The following ZNF80 variants were observed in gnomAD, a reference collection of about 807,000 sequenced individuals.
ZNF80 encodes zinc finger protein 80, also known as ZNFPT17.
For synonymous variants in ZNF80, 132 were observed against 119.4 expected (o/e 1.11, Z -0.69); for missense variants, 394 against 334.1 (o/e 1.18, Z -1.40).
In ZNF80 at chr3:114,236,729, G is replaced by A. The variant is rs757877383; in HGVS notation, c.346C>T (p.Arg116Cys). The A allele has an allele frequency of 3.2e-5, 52 of 1,612,676 alleles. No homozygotes were observed. The highest frequency in any genetic ancestry group is 1.6e-4 in the Middle Eastern group (1 of 6,080). Residue 116 changes from arginine to cysteine, a missense_variant, in exon 1 of 1, where the codon CGC (arginine) becomes TGC (cysteine). Coordinates refer to ENST00000482457, the MANE Select transcript of ZNF80 (RefSeq NM_007136.4). ...KCVECGKVFN[R>C]RSHLLCYRQI... Reference sequence around the variant, plus strand: ...CGGTAGCACAGGAGGTGCGACCTGCGGTTGAAGACCTTCCCGCACTCCACG... The same window carrying A: ...CGGTAGCACAGGAGGTGCGACCTGCAGTTGAAGACCTTCCCGCACTCCACG...
Position 114,237,110 on chromosome 3 carries a change from C to G in ZNF80, c.-36G>C. The G allele has an allele frequency of 6.5e-7, 1 of 1,543,076 alleles. No individual in the cohort carries two copies. The highest frequency in any genetic ancestry group is 1.4e-5 in the African/African-American group (1 of 72,642). On this transcript the variant is annotated 5_prime_UTR_variant, in exon 1 of 1. Coordinates refer to ENST00000482457, the MANE Select transcript of ZNF80 (RefSeq NM_007136.4). The stretch of plus-strand genomic sequence containing the variant: ...AAGGTCTCCGTGTGGGAGACTGCAG[C>G]CAAACTCAAGTGCCCTTCTGCATTT...
At position 114,236,348 on chromosome 3, in the gene ZNF80, T is replaced by C; in HGVS notation, c.727A>G (p.Lys243Glu). 1 of 1,612,898 alleles carries C rather than the reference T, an allele frequency of 6.2e-7. No homozygotes were observed. The highest frequency in any genetic ancestry group is 8.5e-7 in the Non-Finnish European group (1 of 1,179,038). The change falls in exon 1 of 1, where the codon AAA (lysine) becomes GAA (glutamate). Residue 243 changes from lysine (K) to glutamate (E), a missense_variant. Physicochemically the swap from Lys to Glu is moderately conservative, Grantham distance 56. Coordinates refer to ENST00000482457, the MANE Select transcript of ZNF80 (RefSeq NM_007136.4). ...CTATGTTCAAGGCACTCATAAGGTTTCTCTCCAGTGTGACTCCTTGTATGT... is the reference window on the plus strand; with the variant it reads ...CTATGTTCAAGGCACTCATAAGGTTCCTCTCCAGTGTGACTCCTTGTATGT... ...TRHTRSHTGE[K>E]PYECLEHRKD...
At position 114,236,254 on chromosome 3, in the gene ZNF80, C is replaced by A; in HGVS notation, c.821G>T (p.Ter274LeuextTer19). ...CACAAATTCCCACATCATTTGCACT[C>A]AAAGGTTTTTTCCTCCAGAGTGGAT... is the stretch of plus-strand genomic sequence containing the variant. ...SKIHSGGKNL[*>L] is the part of the protein sequence containing the mutation. The change falls in exon 1 of 1, where the codon TGA (stop) becomes TTA (leucine). Residue 274 changes from the stop codon to leucine (L), a stop_lost. Transcript: ENST00000482457. The A allele has an allele frequency of 6.4e-7, 1 of 1,561,792 alleles. No individual in the cohort carries two copies. Among genetic ancestry groups the A allele is most frequent in the Non-Finnish European group, 8.6e-7 (1 of 1,157,538 alleles).
exon 1 of ZNF80, chr3:114,236,649 GAA>G: frequency 6.2e-7 from 1 of 1,614,146 alleles, no homozygotes; most frequent in Non-Finnish European, 8.5e-7. Context: ...AGTGATAGCT[GAA>G]GGTCTTTCCA....
chr3:114,236,614 G>A lies in ZNF80; in HGVS notation c.461C>T (p.Thr154Ile). The change falls in exon 1 of 1, where the codon ACC becomes ATC. Residue 154 changes from threonine (T) to isoleucine (I), a missense_variant. By Grantham distance (89) the Thr-to-Ile change is moderately conservative (BLOSUM62 -1). Transcript: ENST00000482457. Reference sequence around the variant, plus strand: ...CCCAAAGAGTTTTTCTCCAGTGTGGGTCACACGATGCTGGATGAAGACAGA... The same window carrying A: ...CCCAAAGAGTTTTTCTCCAGTGTGGATCACACGATGCTGGATGAAGACAGA... ...YHSVFIQHRV[T>I]HTGEKLFGCK... 6.2e-7 allele frequency: 1 copy of A among 1,614,058 alleles called. No homozygotes were observed. Among genetic ancestry groups the A allele is most frequent in the Non-Finnish European group, 8.5e-7 (1 of 1,180,026 alleles).
In ZNF80 at chr3:114,237,169, T is replaced by C. The variant is rs982724447; in HGVS notation, c.-95A>G. On this transcript the variant is annotated 5_prime_UTR_variant, in exon 1 of 1. Transcript: ENST00000482457. Reference sequence around the variant, plus strand: ...GTCCGGAATTGGTGGGTTCTTGGTCTCACTGACTTCAAGAATGAAGCCGCG... The same window carrying C: ...GTCCGGAATTGGTGGGTTCTTGGTCCCACTGACTTCAAGAATGAAGCCGCG... The C allele has an allele frequency of 1.8e-6, 2 of 1,136,786 alleles. No individual in the cohort carries two copies. Among genetic ancestry groups the C allele is most frequent in the Non-Finnish European group, 2.6e-6 (2 of 781,846 alleles). 70.4% of individuals were successfully genotyped at this position (1,136,786 alleles called of 1,614,324 possible).
Position 114,235,843 on chromosome 3 carries a change from TAA to T in ZNF80, c.*408_*409del, listed in dbSNP as rs200692814. 5.3e-5 allele frequency: 8 copies of T among 149,856 alleles called. No homozygotes were observed. The highest frequency in any genetic ancestry group is 8.8e-5 in the Non-Finnish European group (6 of 68,438). The allele number at this position is 149,856 out of a possible 1,614,324, so 9.3% of individuals were successfully genotyped here. The stretch of plus-strand genomic sequence containing the variant: ...TCTCTTTTACAGTTCCCTTCTTACT[TAA>T]AAAAAAAAAATCCTGAAGTGGCTTA... On this transcript the variant is annotated 3_prime_UTR_variant, in exon 1 of 1. Transcript: ENST00000482457.
In ZNF80 at chr3:114,234,763, G is replaced by C. The variant is rs1367887810; in HGVS notation, c.*1490C>G. The C allele has an allele frequency of 6.6e-6, 1 of 151,948 alleles. No individual in the cohort carries two copies. 9.4% of individuals were successfully genotyped at this position (151,948 alleles called of 1,614,324 possible). The stretch of plus-strand genomic sequence containing the variant: ...AAACTGAACATTGCATATAACCCTG[G>C]TCCATCCCATTTCCTGCAGAAAACC... On this transcript the variant is annotated 3_prime_UTR_variant, in exon 1 of 1. Coordinates refer to ENST00000482457, the MANE Select transcript of ZNF80 (RefSeq NM_007136.4).
At position 114,236,334 on chromosome 3, in the gene ZNF80, G is replaced by A. The variant is rs1452563340; in HGVS notation, c.741C>T (p.Cys247=). The change falls in exon 1 of 1, where the codon TGC becomes TGT. Residue 247 remains cysteine (C), a synonymous_variant. Coordinates refer to ENST00000482457, the MANE Select transcript of ZNF80 (RefSeq NM_007136.4). ...AGCCAAAGTCCTTTCTATGTTCAAG[G>A]CACTCATAAGGTTTCTCTCCAGTGT... ...RSHTGEKPYE[C]LEHRKDFGYH... is the part of the protein sequence containing the mutation. 1.2e-6 allele frequency: 2 copies of A among 1,614,024 alleles called. No individual in the cohort carries two copies. Among genetic ancestry groups the A allele is most frequent in the African/African-American group, 1.3e-5 (1 of 75,054 alleles).
In ZNF80 at chr3:114,236,964, T is replaced by C. The variant is rs1421117346; in HGVS notation, c.111A>G (p.Pro37=). The change falls in exon 1 of 1, where the codon CCA becomes CCG. Residue 37 remains proline (P), a synonymous_variant. Transcript: ENST00000482457. ...DNLHECDSQG[P]SKDTLVREGK... is the part of the protein sequence containing the mutation. ...CCTCACGAACCAAAGTGTCTTTACTTGGTCCCTGGGAGTCACATTCATGGA... is the reference window on the plus strand; with the variant it reads ...CCTCACGAACCAAAGTGTCTTTACTCGGTCCCTGGGAGTCACATTCATGGA... The C allele has an allele frequency of 1.9e-6, 3 of 1,614,100 alleles. No individual in the cohort carries two copies. Among genetic ancestry groups the C allele is most frequent in the African/African-American group, 2.7e-5 (2 of 74,926 alleles).
rs746782775 is a variant in ZNF80, at chr3:114,235,523, G to A, written c.*730C>T. Reference sequence around the variant, plus strand: ...ATATGGCAGTATTTTTATATTCTACGTTCTTACAAGTTTCACATATTCCAT... The same window carrying A: ...ATATGGCAGTATTTTTATATTCTACATTCTTACAAGTTTCACATATTCCAT... On this transcript the variant is annotated 3_prime_UTR_variant, in exon 1 of 1. Coordinates refer to ENST00000482457, the MANE Select transcript of ZNF80 (RefSeq NM_007136.4). 6 of 152,072 alleles carry A rather than the reference G, an allele frequency of 3.9e-5. No homozygotes were observed. The highest frequency in any genetic ancestry group is 7.4e-5 in the Non-Finnish European group (5 of 68,014). 9.4% of individuals were successfully genotyped at this position (152,072 alleles called of 1,614,324 possible).
rs749576425 is a variant in ZNF80, at chr3:114,237,080, T to C, written c.-6A>G. On this transcript the variant is annotated 5_prime_UTR_variant, in exon 1 of 1. Transcript: ENST00000482457. ...CCATCGCGTTTAGGGCTCATCTTCCTCCAGAAGGTCTCCGTGTGGGAGACT... is the reference window on the plus strand; with the variant it reads ...CCATCGCGTTTAGGGCTCATCTTCCCCCAGAAGGTCTCCGTGTGGGAGACT... 1.3e-6 allele frequency: 2 copies of C among 1,576,182 alleles called. No individual in the cohort carries two copies. Among genetic ancestry groups the C allele is most frequent in the Admixed American group, 1.8e-5 (1 of 55,250 alleles).
Position 114,236,981 on chromosome 3 carries a change from A to G in ZNF80, c.94T>C (p.Cys32Arg). Residue 32 changes from cysteine (C) to arginine (R), a missense_variant, in exon 1 of 1, where the codon TGT (cysteine) becomes CGT (arginine). By Grantham distance (180) the Cys-to-Arg change is radical. Coordinates refer to ENST00000482457, the MANE Select transcript of ZNF80 (RefSeq NM_007136.4). Reference protein sequence around the residue: ...QVSTGDNLHECDSQGPSKDTL... With the variant: ...QVSTGDNLHERDSQGPSKDTL... ...TCTTTACTTGGTCCCTGGGAGTCAC[A>G]TTCATGGAGATTGTCTCCTGTGGAG... 2 of 1,614,184 alleles carry G rather than the reference A, an allele frequency of 1.2e-6. No homozygotes were observed. Among genetic ancestry groups the G allele is most frequent in the Non-Finnish European group, 8.5e-7 (1 of 1,180,028 alleles).
chr3:114,236,109 A>G lies in ZNF80; in HGVS notation c.*144T>C. ...CTCATAGAGTTTATCTCTGGAAGGAATTCTTCAATGCCAAGTGAGGATGAG... is the reference window on the plus strand; with the variant it reads ...CTCATAGAGTTTATCTCTGGAAGGAGTTCTTCAATGCCAAGTGAGGATGAG... On this transcript the variant is annotated 3_prime_UTR_variant, in exon 1 of 1. Transcript: ENST00000482457. 2 of 623,652 alleles carry G rather than the reference A, an allele frequency of 3.2e-6. No individual in the cohort carries two copies. The highest frequency in any genetic ancestry group is 2.7e-5 in the East Asian group (1 of 37,206). The allele number at this position is 623,652 out of a possible 1,614,324, so 38.6% of individuals were successfully genotyped here. A position where few individuals can be genotyped will look rare whatever the true frequency, so the allele number is the denominator to read the frequency against.
Position 114,236,620 on chromosome 3 carries a change from C to T in ZNF80, c.455G>A (p.Arg152His), listed in dbSNP as rs766015106. Residue 152 changes from arginine (R) to histidine (H), a missense_variant, in exon 1 of 1, where the codon CGT becomes CAT. By Grantham distance (29) the Arg-to-His change is conservative. Transcript: ENST00000482457. ...GAGTTTTTCTCCAGTGTGGGTCACA[C>T]GATGCTGGATGAAGACAGAGTGATA... ...FSYHSVFIQH[R>H]VTHTGEKLFG... The T allele has an allele frequency of 2.0e-5, 32 of 1,614,012 alleles. No individual in the cohort carries two copies. The highest frequency in any genetic ancestry group is 4.5e-5 in the East Asian group (2 of 44,888).
rs759469472 is a variant in ZNF80, at chr3:114,236,450, T to C, written c.625A>G (p.Met209Val). 1 of 1,612,660 alleles carries C rather than the reference T, an allele frequency of 6.2e-7. No homozygotes were observed. The highest frequency in any genetic ancestry group is 8.5e-7 in the Non-Finnish European group (1 of 1,178,848). Residue 209 changes from methionine (M) to valine (V), a missense_variant, in exon 1 of 1, where the codon ATG becomes GTG. By Grantham distance (21) the Met-to-Val change is conservative. Coordinates refer to ENST00000482457, the MANE Select transcript of ZNF80 (RefSeq NM_007136.4). ...TAGGGCTTTCCTGCAGTGTGGGTCA[T>C]ACTATGTCGGAAGAAAACAGAGCGG... ...TYRSVFFRHS[M>V]THTAGKPYEC...
In ZNF80 at chr3:114,237,047, T is replaced by C. The variant is rs1436828462; in HGVS notation, c.28A>G (p.Thr10Ala). 6.2e-7 allele frequency: 1 copy of C among 1,604,022 alleles called. No individual in the cohort carries two copies. Among genetic ancestry groups the C allele is most frequent in the Admixed American group, 1.7e-5 (1 of 59,126 alleles). The change falls in exon 1 of 1, where the codon ACA becomes GCA. Residue 10 changes from threonine to alanine, a missense_variant. By Grantham distance (58) the Thr-to-Ala change is moderately conservative (BLOSUM62 0). Transcript: ENST00000482457. ...ACCTGTGAGTGCAGACCATCACCTG[T>C]CCCCAACCCATCGCGTTTAGGGCTC... MSPKRDGLG[T>A]GDGLHSQVLQ...
Position 114,236,046 on chromosome 3 carries a change from C to G in ZNF80, c.*207G>C, listed in dbSNP as rs1034709543. ...CGCAGTTTAAGTTCTCTGACGTTGA[C>G]TGATGTGGGCCCACTTGCAAAAGGC... On this transcript the variant is annotated 3_prime_UTR_variant, in exon 1 of 1. Coordinates refer to ENST00000482457, the MANE Select transcript of ZNF80 (RefSeq NM_007136.4). 1 of 436,834 alleles carries G rather than the reference C, an allele frequency of 2.3e-6. No homozygotes were observed. Among genetic ancestry groups the G allele is most frequent in the African/African-American group, 2.0e-5 (1 of 49,984 alleles). The allele number at this position is 436,834 out of a possible 1,614,324, so 27.1% of individuals were successfully genotyped here. A position where few individuals can be genotyped will look rare whatever the true frequency, so the allele number is the denominator to read the frequency against.
At position 114,235,970 on chromosome 3, in the gene ZNF80, T is replaced by A. The variant is rs75503172; in HGVS notation, c.*283A>T. 3,159 of 284,868 alleles carry A rather than the reference T, an allele frequency of 0.011. 105 individuals are homozygous for A. The highest frequency in any genetic ancestry group is 0.064 in the African/African-American group (2,921 of 45,826). 17.6% of individuals were successfully genotyped at this position (284,868 alleles called of 1,614,324 possible). A position where few individuals can be genotyped will look rare whatever the true frequency, so the allele number is the denominator to read the frequency against. On this transcript the variant is annotated 3_prime_UTR_variant, in exon 1 of 1. Coordinates refer to ENST00000482457, the MANE Select transcript of ZNF80 (RefSeq NM_007136.4). Reference sequence around the variant, plus strand: ...AAATTCTCAGATGCTGAGGAAGATATTTCCTGTGGCCAAAAGATTTTCTTC... The same window carrying A: ...AAATTCTCAGATGCTGAGGAAGATAATTCCTGTGGCCAAAAGATTTTCTTC...
Sources: allele counts gnomAD v4.1 joint callset, GRCh38; gene constraint gnomAD v4.1.1; transcripts MANE v1.5; gene names NCBI Gene and HGNC (gene_info 2026-07-23, HGNC 2026-07-21).